SPAG16: variants seen among roughly 807,000 people sequenced by gnomAD.
The protein encoded by SPAG16 is sperm associated antigen 16, also known as sperm-associated antigen 16 protein.
In SPAG16, 86 loss-of-function variants were observed where a neutral mutation model predicts 80.4. The observed-to-expected ratio is 1.07, with a 90% CI of 0.90 to 1.28. SPAG16 has a LOEUF of 1.28. SPAG16 is among the 50% of genes most tolerant of loss of function. The probability of loss-of-function intolerance (pLI) is 0.00; values close to 1 mark genes in which losing one functional copy is unlikely to be tolerated. For synonymous variants in SPAG16, 294 were observed against 265.9 expected (o/e 1.11, Z -1.03); for missense variants, 870 against 765.3 (o/e 1.14, Z -1.61).
intron 10 of SPAG16, among the ~76,000 whole-genome samples, chr2:213,625,624 C>T (rs1401055107): frequency 6.6e-6 from 1 of 151,982 alleles, no homozygotes; most frequent in Non-Finnish European, 1.5e-5. Flanking sequence ...AAGACTTTCA[C>T]CTTTAATATT....
intron 10 of SPAG16, among the ~76,000 whole-genome samples, chr2:213,838,063 G>T (rs2074181960): frequency 6.6e-6 from 1 of 151,980 alleles, no homozygotes; most frequent in African/African-American, 2.4e-5. Context: ...TCTTACGGTT[G>T]TAAGATGTGG....
At chr2:213,818,136 G>T (rs1245907880) in intron 10 of SPAG16, among the ~76,000 whole-genome samples, 1 of 152,084 alleles carries the variant, frequency 6.6e-6, no homozygotes, top group Non-Finnish European at 1.5e-5. Context: ...GTCCTTTAAA[G>T]ATCCCCTCCA....
At chr2:214,096,970 A>C (rs1422681930) in intron 13 of SPAG16, among the ~76,000 whole-genome samples, 2 of 152,102 alleles carry the variant, frequency 1.3e-5, no homozygotes, top group Non-Finnish European at 2.9e-5. Flanking sequence ...ATAAGGTTAA[A>C]ATTCCAAAGA....
At chr2:213,556,311 C>CAAAAAA (rs1559251236) in intron 10 of SPAG16, among the ~76,000 whole-genome samples, 2 of 76,938 alleles carry the variant, frequency 2.6e-5, no homozygotes, top group Non-Finnish European at 6.8e-5. Flanking sequence ...AAAAAAAAAA[C>CAAAAAA]CAAAAAAAAA....
intron 15 of SPAG16, among the ~76,000 whole-genome samples, chr2:214,338,510 A>C (rs762078837): frequency 5.3e-5 from 8 of 152,184 alleles, no homozygotes; most frequent in Non-Finnish European, 7.3e-5. Flanking sequence ...TCTCAAAAAA[A>C]TAAAATAATA....
intron 13 of SPAG16, among the ~76,000 whole-genome samples, chr2:214,081,142 T>G (rs964388871): frequency 6.6e-6 from 1 of 151,458 alleles, no homozygotes; most frequent in Non-Finnish European, 1.5e-5. Flanking sequence ...AACATATATA[T>G]ATGCTATCCA....
intron 7 of SPAG16, among the ~76,000 whole-genome samples, chr2:213,358,762 A>G (rs2065814849): frequency 6.6e-6 from 1 of 152,058 alleles, no homozygotes; most frequent in Non-Finnish European, 1.5e-5. Flanking sequence ...ACTTTTGTCA[A>G]CTCATCAAAG....
At chr2:214,133,987 G>A (rs561482524) in intron 14 of SPAG16, among the ~76,000 whole-genome samples, 4 of 152,258 alleles carry the variant, frequency 2.6e-5, no homozygotes, top group Admixed American at 2.0e-4. Flanking sequence ...TCAGTAGTTG[G>A]AAATAAAGAC....
chr2:213,860,367 G>A (rs930463509), intron 10 of SPAG16, among the ~76,000 whole-genome samples: 5 of 133,848 alleles, frequency 3.7e-5, no homozygotes, highest in Non-Finnish European at 8.1e-5. Context: ...ATATATATGT[G>A]TGTGTGTGTA....
At chr2:213,846,192 A>G (rs986152568) in intron 10 of SPAG16, among the ~76,000 whole-genome samples, 1 of 152,172 alleles carries the variant, frequency 6.6e-6, no homozygotes, top group African/African-American at 2.4e-5. Context: ...TTTCACATTT[A>G]TCTTTTAGGG....
chr2:213,797,053 A>T (rs2071086748), intron 10 of SPAG16, among the ~76,000 whole-genome samples: 1 of 27,420 alleles, frequency 3.6e-5, no homozygotes, highest in Non-Finnish European at 1.8e-4. Context: ...ATTAAAATTA[A>T]AAAAAAAAAC....
chr2:213,985,008 G>A (rs1307798437), intron 12 of SPAG16, among the ~76,000 whole-genome samples: 2 of 151,984 alleles, frequency 1.3e-5, no homozygotes, highest in South Asian at 4.1e-4. Context: ...TTGAACTTTG[G>A]TAAGTTTAAG....
intron 14 of SPAG16, among the ~76,000 whole-genome samples, chr2:214,137,086 A>T (rs941154334): frequency 2.6e-5 from 4 of 152,178 alleles, no homozygotes; most frequent in Non-Finnish European, 4.4e-5. Flanking sequence ...CTTTATTCAA[A>T]AATATTTTTC....
At chr2:213,831,231 G>C (rs546274366) in intron 10 of SPAG16, among the ~76,000 whole-genome samples, 7 of 151,326 alleles carry the variant, frequency 4.6e-5, no homozygotes, top group Admixed American at 3.3e-4. Flanking sequence ...GTAGAGACGG[G>C]GTTTCACCAT....
chr2:213,860,468 T>TGTATATATGTG (rs1559529560), intron 10 of SPAG16, among the ~76,000 whole-genome samples: 1 of 126,402 alleles, frequency 7.9e-6, no homozygotes, highest in Admixed American at 8.4e-5. Flanking sequence ...TACAGATATA[T>TGTATATATGTG]CTATCTATAT....
At chr2:213,792,810 C>G (rs1157816361) in intron 10 of SPAG16, among the ~76,000 whole-genome samples, 1 of 151,964 alleles carries the variant, frequency 6.6e-6, no homozygotes, top group African/African-American at 2.4e-5. Flanking sequence ...AAACTGGCCT[C>G]CATCTTGCCA....
intron 10 of SPAG16, among the ~76,000 whole-genome samples, chr2:213,499,960 C>G (rs550242208): frequency 2.0e-5 from 3 of 152,124 alleles, no homozygotes; most frequent in African/African-American, 7.2e-5. Context: ...GAATCTTCTG[C>G]TTTTTCCTCA....
intron 15 of SPAG16, among the ~76,000 whole-genome samples, chr2:214,387,669 C>G (rs1242419499): frequency 2.0e-5 from 3 of 152,024 alleles, no homozygotes; most frequent in African/African-American, 7.3e-5. Context: ...TTCAGCATGG[C>G]TGGGGAGGCC....
chr2:213,433,189 C>T (rs2070408528), intron 9 of SPAG16, among the ~76,000 whole-genome samples: 1 of 152,142 alleles, frequency 6.6e-6, no homozygotes, highest in Admixed American at 6.5e-5. Context: ...CCTCTAAGAA[C>T]TAGAACAAGA....
Sources: gnomAD v4.1 joint callset for allele counts (sites outside exome capture counted in the v4.1 genomes callset) on GRCh38, gnomAD v4.1.1 for gene constraint, MANE v1.5 for transcripts, NCBI Gene and HGNC (gene_info 2026-07-23, HGNC 2026-07-21) for gene names.